The following EFCAB11 variants were observed in gnomAD, a reference collection of about 807,000 sequenced individuals.
The protein encoded by EFCAB11 is EF-hand calcium binding domain 11.
EFCAB11 carries 14 observed loss-of-function variants against 23.0 expected under a neutral mutation model. The observed-to-expected ratio is 0.61, with a 90% CI of 0.40 to 0.95. The LOEUF (loss-of-function observed/expected upper bound fraction) is 0.95. EFCAB11 is among the 40% of genes least tolerant of loss of function. The probability of loss-of-function intolerance (pLI) is 0.00; values close to 1 mark genes in which losing one functional copy is unlikely to be tolerated. For synonymous variants in EFCAB11, 65 were observed against 66.6 expected, an observed-to-expected ratio of 0.98 and a Z score of 0.11; for missense variants, 198 against 195.8, an observed-to-expected ratio of 1.01 and a Z score of -0.07.
At chr14:89,944,892 CTAA>C (rs1242271164) in intron 3 of EFCAB11, among the ~76,000 whole-genome samples, 14 of 141,696 alleles carry the variant, frequency 9.9e-5, no homozygotes, top group African/African-American at 1.0e-4. Flanking sequence ...TTTATTAGAT[CTAA>C]TAATAAATCT....
chr14:89,914,926 C>T (rs925373068), intron 5 of EFCAB11, among the ~76,000 whole-genome samples: 4 of 152,044 alleles, frequency 2.6e-5, no homozygotes, highest in Non-Finnish European at 5.9e-5. Context: ...TCCATTTGGA[C>T]TTTTTCAGGG....
intron 5 of EFCAB11, among the ~76,000 whole-genome samples, chr14:89,851,209 T>C (rs532553056): frequency 6.6e-6 from 1 of 152,352 alleles, no homozygotes; most frequent in Admixed American, 6.5e-5. Flanking sequence ...TTATTGGCTT[T>C]GTAATATAGG....
intron 2 of EFCAB11, among the ~76,000 whole-genome samples, chr14:89,951,633 C>T (rs1053974948): frequency 6.6e-6 from 1 of 151,864 alleles, no homozygotes; most frequent in African/African-American, 2.4e-5. Flanking sequence ...TATGGGTGGG[C>T]ACAGTAGCTT....
intron 5 of EFCAB11, among the ~76,000 whole-genome samples, chr14:89,925,332 C>T (rs1426005402): frequency 6.6e-6 from 1 of 152,110 alleles, no homozygotes; most frequent in African/African-American, 2.4e-5. Context: ...TTAACTATAC[C>T]CCTTAGAGTC....
intron 5 of EFCAB11, among the ~76,000 whole-genome samples, chr14:89,905,975 A>C (rs938458594): frequency 2.0e-5 from 3 of 152,156 alleles, no homozygotes; most frequent in Non-Finnish European, 4.4e-5. Flanking sequence ...CTTTCACTTT[A>C]AATATGGTGA....
At chr14:89,797,428 G>T (rs1885612655) in intron 5 of EFCAB11, 104 bp from the exon 6 acceptor site, 1 of 1,011,010 alleles carries the variant, frequency 9.9e-7, no homozygotes, top group Non-Finnish European at 1.5e-6. Context: ...TGTGAGAGAG[G>T]AACCTATTTT....
intron 5 of EFCAB11, among the ~76,000 whole-genome samples, chr14:89,860,739 G>C (rs1374168125): frequency 6.6e-6 from 1 of 152,144 alleles, no homozygotes; most frequent in Non-Finnish European, 1.5e-5. Flanking sequence ...ATTTCCAAAT[G>C]GTTTGTAAAA....
At chr14:89,890,231 C>T (rs1888921488) in intron 5 of EFCAB11, among the ~76,000 whole-genome samples, 1 of 152,122 alleles carries the variant, frequency 6.6e-6, no homozygotes, top group Non-Finnish European at 1.5e-5. Flanking sequence ...GACATGATCA[C>T]TAAATTACAT....
chr14:89,915,471 A>C (rs1019699409), intron 5 of EFCAB11, among the ~76,000 whole-genome samples: 1 of 152,224 alleles, frequency 6.6e-6, no homozygotes, highest in African/African-American at 2.4e-5. Context: ...CTGGTGAAAG[A>C]GGTGTACTGC....
At chr14:89,823,976 T>C (rs1488621696) in intron 5 of EFCAB11, among the ~76,000 whole-genome samples, 2 of 152,226 alleles carry the variant, frequency 1.3e-5, no homozygotes, top group African/African-American at 4.8e-5. Context: ...ATATGCATAA[T>C]TGGAGTACCA....
intron 5 of EFCAB11, among the ~76,000 whole-genome samples, chr14:89,809,874 A>C (rs1409564178): frequency 6.6e-6 from 1 of 152,224 alleles, no homozygotes; most frequent in Non-Finnish European, 1.5e-5. Context: ...ACAATTTAGA[A>C]AATCTCCTTC....
At chr14:89,813,573 C>A (rs188984947) in intron 5 of EFCAB11, among the ~76,000 whole-genome samples, 7 of 152,022 alleles carry the variant, frequency 4.6e-5, no homozygotes, top group Admixed American at 3.9e-4. Context: ...TTCTCTATTT[C>A]CAACATATTC....
chr14:89,892,124 G>A (rs1332314874), intron 5 of EFCAB11: 2 of 1,553,218 alleles, frequency 1.3e-6, no homozygotes, highest in Non-Finnish European at 1.7e-6. Flanking sequence ...GCACCAGGAG[G>A]TCATGGCCAC....
intron 5 of EFCAB11, among the ~76,000 whole-genome samples, chr14:89,926,031 TG>T (rs1890183039): frequency 6.6e-6 from 1 of 152,154 alleles, no homozygotes; most frequent in Non-Finnish European, 1.5e-5. Context: ...GGTTTCACCA[TG>T]TTGGCCAGGC....
At chr14:89,797,412 T>C in intron 5 of EFCAB11, 88 bp from the exon 6 acceptor site, 4 of 1,243,172 alleles carry the variant, frequency 3.2e-6, no homozygotes, top group Admixed American at 1.9e-5. Flanking sequence ...TTTATTTGCA[T>C]GTCTGTGTGA....
chr14:89,834,324 C>T (rs1305178212), intron 5 of EFCAB11, among the ~76,000 whole-genome samples: 1 of 126,424 alleles, frequency 7.9e-6, no homozygotes, highest in Non-Finnish European at 1.6e-5. Context: ...TGCAGCGAGC[C>T]GAGATCGCAC....
At chr14:89,940,621 A>G (rs1356237986) in intron 3 of EFCAB11, among the ~76,000 whole-genome samples, 5 of 152,234 alleles carry the variant, frequency 3.3e-5, no homozygotes, top group Non-Finnish European at 7.3e-5. Context: ...TTGAGGGTTA[A>G]AAGTAAGTTC....
At chr14:89,797,441 C>A (rs1885613123) in intron 5 of EFCAB11, 117 bp from the exon 6 acceptor site, 4 of 834,894 alleles carry the variant, frequency 4.8e-6, no homozygotes, top group South Asian at 3.5e-5. Context: ...CCTATTTTAT[C>A]TACTTGAAGG....
intron 5 of EFCAB11, chr14:89,836,440 C>T (rs1243925228): frequency 2.5e-6 from 1 of 394,672 alleles, no homozygotes; most frequent in Non-Finnish European, 5.0e-6. Context: ...CAGGCCTCTT[C>T]CTGAGGGTCT....
Sources: allele counts gnomAD v4.1 joint callset (sites outside exome capture counted in the v4.1 genomes callset), GRCh38; gene constraint gnomAD v4.1.1; transcripts MANE v1.5; gene names NCBI Gene and HGNC (gene_info 2026-07-23, HGNC 2026-07-21).